Variants in NEURL4 observed in about 807,000 individuals in gnomAD.
NEURL4 encodes the protein neuralized E3 ubiquitin protein ligase 4.
NEURL4 carries 45 observed loss-of-function variants against 148.0 expected under a neutral mutation model. The ratio of observed to expected loss-of-function variants is 0.30; its 90% confidence interval spans 0.24 to 0.39. The LOEUF (loss-of-function observed/expected upper bound fraction) is 0.39. NEURL4 is among the 10% of genes least tolerant of loss of function. The pLI, the probability that NEURL4 is intolerant of heterozygous loss-of-function variation, is 1.00. For missense variants in NEURL4, 1,776 were observed against 2,144.0 expected (o/e 0.83, Z 3.39); for synonymous variants, 854 against 869.0 (o/e 0.98, Z 0.30).
chr17:7,324,769 A>G lies in NEURL4; in HGVS notation c.1813+30T>C. On this transcript the variant is annotated intron_variant, in intron 9 of 28. Coordinates refer to ENST00000399464, the MANE Select transcript of NEURL4 (RefSeq NM_032442.3). This position sits in a 1 kb window ranked among gnomAD's most constrained non-coding sequence, Gnocchi z 5.9. ...GGGGATAGCTTCCCCCCAAAACCCT[A>G]TCCTGTCCCTGCCCTTCCTGGGAGC... is the stretch of plus-strand genomic sequence containing the variant. 1.2e-6 allele frequency: 2 copies of G among 1,612,730 alleles called. No individual in the cohort carries two copies. Among genetic ancestry groups the G allele is most frequent in the African/African-American group, 1.3e-5 (1 of 75,024 alleles).
Position 7,326,328 on chromosome 17 carries a change from C to T in NEURL4, c.1220G>A (p.Ser407Asn). The T allele has an allele frequency of 6.2e-7, 1 of 1,614,198 alleles. No homozygotes were observed. The highest frequency in any genetic ancestry group is 8.5e-7 in the Non-Finnish European group (1 of 1,180,032). ...GCCATTGGTCAGGATTCCACAGCCG[C>T]TCATCATGATGGTGCCTGGGTGATA... is the stretch of plus-strand genomic sequence containing the variant. ...TNLQSGTIMM[S>N]GCGILTNGKG... Residue 407 changes from serine to asparagine, a missense_variant, in exon 6 of 29, where the codon AGC becomes AAC. Transcript: ENST00000399464. This position sits in a 1 kb window ranked among gnomAD's most constrained non-coding sequence, Gnocchi z 6.0.
chr17:7,324,023 G>A lies in NEURL4; in HGVS notation c.2063-11C>T, dbSNP rs758276520. 1.2e-6 allele frequency: 2 copies of A among 1,608,844 alleles called. No individual in the cohort carries two copies. The highest frequency in any genetic ancestry group is 1.7e-6 in the Non-Finnish European group (2 of 1,179,966). On this transcript the variant is annotated splice_polypyrimidine_tract_variant and intron_variant, in intron 11 of 28. Transcript: ENST00000399464. The surrounding 1 kb of genome is among the most constrained non-coding windows in gnomAD (Gnocchi z 5.9). ...GAACTGGAGCCACCTCTGTAAAAGTGGACATCACCCATCAGGTCTCTAGGT... is the reference window on the plus strand; with the variant it reads ...GAACTGGAGCCACCTCTGTAAAAGTAGACATCACCCATCAGGTCTCTAGGT...
In NEURL4 at chr17:7,325,355, G is replaced by C. The variant is rs766359746; in HGVS notation, c.1485C>G (p.Asn495Lys). 1 of 1,613,436 alleles carries C rather than the reference G, an allele frequency of 6.2e-7. No individual in the cohort carries two copies. The highest frequency in any genetic ancestry group is 1.7e-5 in the Admixed American group (1 of 59,906). The change falls in exon 8 of 29, where the codon AAC (asparagine) becomes AAG (lysine). Residue 495 changes from asparagine to lysine, a missense_variant. Coordinates refer to ENST00000399464, the MANE Select transcript of NEURL4 (RefSeq NM_032442.3). ...NNHSDRLRRN[N>K]AILRALSPEG... ...CGGGGGACAGCGCCCGCAGGATGGC[G>C]TTGTTTCGGCGGAGACGGTCACTGT...
rs752634339 is a variant in NEURL4 at position 7,321,650 on chromosome 17, C to T, written c.3009G>A (p.Thr1003=). The change falls in exon 18 of 29, where the codon ACG becomes ACA. Residue 1003 remains threonine, a synonymous_variant. Transcript: ENST00000399464. This position sits in a 1 kb window ranked among gnomAD's most constrained non-coding sequence, Gnocchi z 6.3. ...AGCTGGATACCATCCAAGTGGTCTT[C>T]GTCCGGAGCTCTGGCAGGGAAGGAG... ...GLPPSLPELR[T]KTTWMVSSCE... 1.6e-5 allele frequency: 26 copies of T among 1,613,882 alleles called. No individual in the cohort carries two copies. The highest frequency in any genetic ancestry group is 8.8e-5 in the South Asian group (8 of 91,092).
Position 7,321,287 on chromosome 17 carries a change from A to G in NEURL4, c.3199-14T>C, listed in dbSNP as rs1414711297. The G allele has an allele frequency of 1.5e-5, 24 of 1,612,904 alleles. No homozygotes were observed. The highest frequency in any genetic ancestry group is 5.0e-5 in the Admixed American group (3 of 59,968). On this transcript the variant is annotated splice_polypyrimidine_tract_variant and intron_variant, in intron 19 of 28. Coordinates refer to ENST00000399464, the MANE Select transcript of NEURL4 (RefSeq NM_032442.3). The surrounding 1 kb of genome is among the most constrained non-coding windows in gnomAD (Gnocchi z 6.3). ...AGCCCACACGTTCTGGGAGGCACAC[A>G]AGACCCAGAAAATCAGAGATCAGCA...
chr17:7,321,794 G>C lies in NEURL4; in HGVS notation c.2872-7C>G. On this transcript the variant is annotated splice_region_variant and splice_polypyrimidine_tract_variant and intron_variant, in intron 17 of 28. Coordinates refer to ENST00000399464, the MANE Select transcript of NEURL4 (RefSeq NM_032442.3). This position sits in a 1 kb window ranked among gnomAD's most constrained non-coding sequence, Gnocchi z 6.3. ...CTAGCTCTTCCACTTTCACCTACGA[G>C]ACAGAGAAAACATAAGCTGGCCCTG... 1.2e-6 allele frequency: 2 copies of C among 1,612,706 alleles called. No homozygotes were observed. The highest frequency in any genetic ancestry group is 1.7e-6 in the Non-Finnish European group (2 of 1,179,322).
Position 7,323,042 on chromosome 17 carries a change from G to A in NEURL4, c.2499C>T (p.Arg833=). 6.2e-7 allele frequency: 1 copy of A among 1,613,792 alleles called. No individual in the cohort carries two copies. Among genetic ancestry groups the A allele is most frequent in the Admixed American group, 1.7e-5 (1 of 60,022 alleles). ...CDLDALGTGA[R]IGMMRTAKGD... The stretch of plus-strand genomic sequence containing the variant: ...CCTTGGCAGTTCGCATCATGCCAAT[G>A]CGTGCACCTGTGCCCAGCGCATCCA... The change falls in exon 15 of 29, where the codon CGC becomes CGT. Residue 833 remains arginine (R), a synonymous_variant. Transcript: ENST00000399464.
rs756454420 is a variant in NEURL4, at chr17:7,316,209, G to C, written c.4603C>G (p.Pro1535Ala). The C allele has an allele frequency of 6.2e-7, 1 of 1,611,962 alleles. No individual in the cohort carries two copies. The highest frequency in any genetic ancestry group is 1.7e-5 in the Admixed American group (1 of 60,022). Residue 1535 changes from proline to alanine, a missense_variant, in exon 29 of 29, where the codon CCT (proline) becomes GCT (alanine). Transcript: ENST00000399464. Reference protein sequence around the residue: ...PSAALGEPPDPHFSPAELEWV... With the variant: ...PSAALGEPPDAHFSPAELEWV... ...TCAAGTTCGGCTGGACTGAAGTGAG[G>C]GTCAGGAGGTTCTCCAAGGGCAGCG...
chr17:7,316,044 G>T lies in NEURL4; in HGVS notation c.*79C>A, dbSNP rs1037472731. 1 of 819,776 alleles carries T rather than the reference G, an allele frequency of 1.2e-6. No homozygotes were observed. Among genetic ancestry groups the T allele is most frequent in the South Asian group, 1.4e-5 (1 of 73,272 alleles). 50.8% of individuals were successfully genotyped at this position (819,776 alleles called of 1,614,324 possible). A position where few individuals can be genotyped will look rare whatever the true frequency, so the allele number is the denominator to read the frequency against. On this transcript the variant is annotated 3_prime_UTR_variant, in exon 29 of 29. Coordinates refer to ENST00000399464, the MANE Select transcript of NEURL4 (RefSeq NM_032442.3). ...CACCTGCGCATGCCACGAGTCACGGGAATGAGGTGGAGGCAGTCGCCACTC... is the reference window on the plus strand; with the variant it reads ...CACCTGCGCATGCCACGAGTCACGGTAATGAGGTGGAGGCAGTCGCCACTC...
In NEURL4 at chr17:7,318,227, G is replaced by C; in HGVS notation, c.3952+42C>G. On this transcript the variant is annotated intron_variant, in intron 24 of 28. Coordinates refer to ENST00000399464, the MANE Select transcript of NEURL4 (RefSeq NM_032442.3). The surrounding 1 kb of genome is among the most constrained non-coding windows in gnomAD (Gnocchi z 4.3). Reference sequence around the variant, plus strand: ...GAGCTGGGCTAGAAGGGTGAGGGTGGGGGAGTAGGGGCAGGAGCTGGGTCC... The same window carrying C: ...GAGCTGGGCTAGAAGGGTGAGGGTGCGGGAGTAGGGGCAGGAGCTGGGTCC... 6.2e-7 allele frequency: 1 copy of C among 1,610,366 alleles called. No individual in the cohort carries two copies. Among genetic ancestry groups the C allele is most frequent in the Non-Finnish European group, 8.5e-7 (1 of 1,176,590 alleles).
rs1338413817 is a variant in NEURL4, at chr17:7,323,473, A to C, written c.2417+12T>G. Reference sequence around the variant, plus strand: ...TCAGCCCCAAGCTGGTCCCCAAAGCAGGAAGCCCAACCTCAGCATCCATGT... The same window carrying C: ...TCAGCCCCAAGCTGGTCCCCAAAGCCGGAAGCCCAACCTCAGCATCCATGT... On this transcript the variant is annotated intron_variant, in intron 14 of 28. Transcript: ENST00000399464. 1.2e-6 allele frequency: 2 copies of C among 1,613,924 alleles called. No homozygotes were observed. Among genetic ancestry groups the C allele is most frequent in the Admixed American group, 3.3e-5 (2 of 60,018 alleles).
At position 7,329,055 on chromosome 17, in the gene NEURL4, G is replaced by C; in HGVS notation, c.258C>G (p.Val86=). ...LSREPLRDGR[V]FTVRIDRKVN... is the part of the protein sequence containing the mutation. ...CCTTGCGGTCGATGCGGACGGTGAA[G>C]ACGCGTCCATCGCGCAAGGGTTCTC... The change falls in exon 1 of 29, where the codon GTC becomes GTG. Residue 86 remains valine, a synonymous_variant. Transcript: ENST00000399464. 6.3e-7 allele frequency: 1 copy of C among 1,593,990 alleles called. No individual in the cohort carries two copies. Among genetic ancestry groups the C allele is most frequent in the South Asian group, 1.1e-5 (1 of 88,078 alleles).
chr17:7,325,289 T>G lies in NEURL4; in HGVS notation c.1551A>C (p.Glu517Asp). 2 of 1,609,918 alleles carry G rather than the reference T, an allele frequency of 1.2e-6. No homozygotes were observed. The highest frequency in any genetic ancestry group is 1.7e-6 in the Non-Finnish European group (2 of 1,178,510). The part of the protein sequence containing the change: ...LRRAAPAAQA[E>D]PERLLFHPNC... ...TGGGGTGGAAGAGCAGGCGCTCAGG[T>G]TCTGCCTGGGCGGCAGGGGCAGCAC... Residue 517 changes from glutamate to aspartate, a missense_variant, in exon 8 of 29, where the codon GAA (glutamate) becomes GAC (aspartate). Coordinates refer to ENST00000399464, the MANE Select transcript of NEURL4 (RefSeq NM_032442.3).
chr17:7,323,244 A>G, intron 14 of NEURL4, 121 bp from the exon 15 acceptor site: 5 of 1,114,242 alleles, frequency 4.5e-6, no homozygotes, highest in Non-Finnish European at 6.5e-6. Context: ...TCTGGGTGTA[A>G]GGCCCAATCC....
At position 7,329,220 on chromosome 17, in the gene NEURL4, T is replaced by C; in HGVS notation, c.93A>G (p.Gly31=). The part of the protein sequence containing the change: ...GGGGPSGSGS[G]PGSNGGLGSG... ...TGCCCAGACCCCCGTTGGACCCCGG[T>C]CCTGAGCCGCTCCCGCTGGGGCCCC... Residue 31 remains glycine (G), a synonymous_variant, in exon 1 of 29, where the codon GGA becomes GGG. Transcript: ENST00000399464. The C allele has an allele frequency of 6.5e-6, 10 of 1,533,460 alleles. No individual in the cohort carries two copies. The highest frequency in any genetic ancestry group is 8.7e-6 in the Non-Finnish European group (10 of 1,146,798). The allele number at this position is 1,533,460 out of a possible 1,614,324, so 95.0% of individuals were successfully genotyped here.
At position 7,322,649 on chromosome 17, in the gene NEURL4, G is replaced by C. The variant is rs2073048359; in HGVS notation, c.2725+86C>G. Reference sequence around the variant, plus strand: ...GCAGCTACCCCAGCCAACCGTCTTTGCAGAACCTCTCTAACCTGGAAACCC... The same window carrying C: ...GCAGCTACCCCAGCCAACCGTCTTTCCAGAACCTCTCTAACCTGGAAACCC... On this transcript the variant is annotated intron_variant, in intron 16 of 28. Transcript: ENST00000399464. This position sits in a 1 kb window ranked among gnomAD's most constrained non-coding sequence, Gnocchi z 5.5. 8 of 1,533,586 alleles carry C rather than the reference G, an allele frequency of 5.2e-6. No homozygotes were observed. The Admixed American group carries it at 1.4e-4, about 28-fold the overall frequency. The allele number at this position is 1,533,586 out of a possible 1,614,324, so 95.0% of individuals were successfully genotyped here.
At chr17:7,316,647 C>T (rs973407700) in intron 28 of NEURL4, among the ~76,000 whole-genome samples, 1 of 152,216 alleles carries the variant, frequency 6.6e-6, no homozygotes, top group Non-Finnish European at 1.5e-5. Flanking sequence ...TAAATACTGG[C>T]GGGGCGCGGT....
In NEURL4 at chr17:7,324,998, G is replaced by A. The variant is rs1381094718; in HGVS notation, c.1632-18C>T. On this transcript the variant is annotated intron_variant, in intron 8 of 28. Transcript: ENST00000399464. This position sits in a 1 kb window ranked among gnomAD's most constrained non-coding sequence, Gnocchi z 5.9. The stretch of plus-strand genomic sequence containing the variant: ...CGGTGGCACTGAGGGCACAGCAAGT[G>A]GAGAGTCAGATCCCCAACACACGCT... 10 of 1,613,124 alleles carry A rather than the reference G, an allele frequency of 6.2e-6. No homozygotes were observed. Among genetic ancestry groups the A allele is most frequent in the East Asian group, 2.2e-5 (1 of 44,864 alleles).
At position 7,329,325 on chromosome 17, in the gene NEURL4, C is replaced by T. The variant is rs1408863229; in HGVS notation, c.-13G>A. ...ACCCTGCCGCCATCTCCGCTGACACCGGGGCAGCGCGACAGCCGCGCTTGG... is the reference window on the plus strand; with the variant it reads ...ACCCTGCCGCCATCTCCGCTGACACTGGGGCAGCGCGACAGCCGCGCTTGG... On this transcript the variant is annotated 5_prime_UTR_variant, in exon 1 of 29. Transcript: ENST00000399464. 8.7e-6 allele frequency: 12 copies of T among 1,378,020 alleles called. No homozygotes were observed. Among genetic ancestry groups the T allele is most frequent in the Non-Finnish European group, 1.0e-5 (11 of 1,073,266 alleles). 85.4% of individuals were successfully genotyped at this position (1,378,020 alleles called of 1,614,324 possible).
Sources: allele counts gnomAD v4.1 joint callset (sites outside exome capture counted in the v4.1 genomes callset), GRCh38; gene constraint gnomAD v4.1.1; non-coding constraint Gnocchi (gnomAD v3.1); transcripts MANE v1.5; gene names NCBI Gene and HGNC (gene_info 2026-07-23, HGNC 2026-07-21).